Variants in EXOC5 observed in about 807,000 individuals in gnomAD.
EXOC5 encodes SEC10-like 1.
A neutral mutation model predicts 90.8 loss-of-function variants in EXOC5; 17 were observed. The ratio of observed to expected loss-of-function variants is 0.19; its 90% CI spans 0.13 to 0.28. The LOEUF is 0.28. Ranked by LOEUF, EXOC5 falls within the 10% of genes least tolerant of loss-of-function variation. The pLI, the probability that EXOC5 is intolerant of heterozygous loss-of-function variation, is 1.00. For missense variants in EXOC5, 569 were observed against 830.6 expected, an observed-to-expected ratio of 0.69 and a Z score of 3.87; for synonymous variants, 260 against 270.0, an observed-to-expected ratio of 0.96 and a Z score of 0.36.
Position 57,260,556 on chromosome 14 carries a change from T to A in EXOC5, c.27+8066A>T, listed in dbSNP as rs147096167. On this transcript the variant is annotated intron_variant, in intron 1 of 17. Transcript: ENST00000621441. The stretch of plus-strand genomic sequence containing the variant: ...AGCAAAATATTTTTCCAGGATAGAA[T>A]ATATCTCATTTCGAACAGTAAAGTT... Among the ~76,000 whole-genome samples the A allele has an allele frequency of 1.3e-4, 20 of 152,280 alleles. No individual in the cohort carries two copies. In the East Asian group the frequency reaches 3.7e-3, roughly 28 times the overall value.
chr14:57,268,905 T>C lies in EXOC5; in HGVS notation c.-257A>G. The C allele has an allele frequency of 1.1e-6, 1 of 935,946 alleles. No individual in the cohort carries two copies. Among genetic ancestry groups the C allele is most frequent in the Non-Finnish European group, 1.5e-6 (1 of 664,770 alleles). 58.0% of individuals were successfully genotyped at this position (935,946 alleles called of 1,614,324 possible). A position where few individuals can be genotyped will look rare whatever the true frequency, so the allele number is the denominator to read the frequency against. ...CCGCCTCATACGCCGGAAGTGGAACTGCGCGCGCCAGGGAGGTTGTCGGGA... is the reference window on the plus strand; with the variant it reads ...CCGCCTCATACGCCGGAAGTGGAACCGCGCGCGCCAGGGAGGTTGTCGGGA... On this transcript the variant is annotated 5_prime_UTR_variant, in exon 1 of 18. Transcript: ENST00000621441.
intron 1 of EXOC5, among the ~76,000 whole-genome samples, chr14:57,260,684 G>C (rs1884477923): frequency 6.6e-6 from 1 of 152,122 alleles, no homozygotes; most frequent in Non-Finnish European, 1.5e-5. Context: ...AATTCGTAAT[G>C]CAAGAATGTT....
intron 1 of EXOC5, among the ~76,000 whole-genome samples, chr14:57,262,627 T>C (rs1281290937): frequency 6.8e-6 from 1 of 146,858 alleles, no homozygotes; most frequent in Non-Finnish European, 1.5e-5. Flanking sequence ...ATGTATATAT[T>C]TATACATTAA....
intron 1 of EXOC5, 102 bp from the exon 2 acceptor site, chr14:57,247,814 A>T: frequency 1.9e-6 from 1 of 524,556 alleles, no homozygotes; most frequent in Non-Finnish European, 3.4e-6. Flanking sequence ...CTTAAAATGA[A>T]ATTACTAATT....
At chr14:57,259,421 C>T (rs1411030070) in intron 1 of EXOC5, among the ~76,000 whole-genome samples, 1 of 152,118 alleles carries the variant, frequency 6.6e-6, no homozygotes, top group Admixed American at 6.6e-5. Context: ...TTATATCTAC[C>T]CTTTAGGGTT....
intron 17 of EXOC5, 81 bp from the exon 18 acceptor site, chr14:57,208,878 T>A: frequency 1.1e-6 from 1 of 921,792 alleles, no homozygotes; most frequent in Non-Finnish European, 1.6e-6. Context: ...TTTTACATAC[T>A]GTCAGGTGGG....
In EXOC5 at chr14:57,204,957, A is replaced by G. The variant is rs923329082; in HGVS notation, c.*3652T>C. Reference sequence around the variant, plus strand: ...CTATTTAACGTTACGTAAGGAGAATAGCATATAGAACCTAAAAGTGAGTGA... The same window carrying G: ...CTATTTAACGTTACGTAAGGAGAATGGCATATAGAACCTAAAAGTGAGTGA... On this transcript the variant is annotated 3_prime_UTR_variant, in exon 18 of 18. Coordinates refer to ENST00000621441, the MANE Select transcript of EXOC5 (RefSeq NM_006544.4). 3.3e-5 allele frequency: 5 copies of G among 152,012 alleles called. No individual in the cohort carries two copies. The highest frequency in any genetic ancestry group is 1.2e-4 in the African/African-American group (5 of 41,438). 9.4% of individuals were successfully genotyped at this position (152,012 alleles called of 1,614,324 possible).
chr14:57,230,739 T>C (rs1435748063), intron 11 of EXOC5, among the ~76,000 whole-genome samples: 1 of 152,288 alleles, frequency 6.6e-6, no homozygotes, highest in South Asian at 2.1e-4. Flanking sequence ...CTGTAAATAA[T>C]TGTAGGCATT....
intron 2 of EXOC5, 31 bp from the exon 3 acceptor site, chr14:57,246,889 TCTAC>T (rs750120484): frequency 7.5e-7 from 1 of 1,334,878 alleles, no homozygotes; most frequent in African/African-American, 1.5e-5. Context: ...TATGTATCAA[TCTAC>T]CTATTATTAA....
At chr14:57,237,590 G>A (rs1011628183) in intron 5 of EXOC5, 4 of 421,146 alleles carry the variant, frequency 9.5e-6, no homozygotes, top group African/African-American at 6.3e-5. Flanking sequence ...AGCATGCCAG[G>A]TGATAAAACT....
intron 1 of EXOC5, among the ~76,000 whole-genome samples, chr14:57,248,247 C>T (rs970591696): frequency 6.6e-6 from 1 of 151,538 alleles, no homozygotes; most frequent in African/African-American, 2.4e-5. Flanking sequence ...TGCTCGTATA[C>T]CCTAACAGTA....
rs1884792880 is a variant in EXOC5, at chr14:57,268,847, C to T, written c.-199G>A. On this transcript the variant is annotated 5_prime_UTR_variant, in exon 1 of 18. Transcript: ENST00000621441. ...GAAGCCGCAAACGCTTGTCAGCTGC[C>T]TCCCGGCGCCGCCCGCGCTGCTCCC... The T allele has an allele frequency of 2.3e-6, 3 of 1,306,470 alleles. No individual in the cohort carries two copies. Among genetic ancestry groups the T allele is most frequent in the Non-Finnish European group, 3.0e-6 (3 of 1,005,226 alleles). 80.9% of individuals were successfully genotyped at this position (1,306,470 alleles called of 1,614,324 possible).
intron 13 of EXOC5, among the ~76,000 whole-genome samples, chr14:57,220,068 C>G (rs1883081537): frequency 6.6e-6 from 1 of 151,902 alleles, no homozygotes; most frequent in African/African-American, 2.4e-5. Flanking sequence ...ATGTTTCTAG[C>G]TAAAAGTAAA....
intron 6 of EXOC5, among the ~76,000 whole-genome samples, chr14:57,236,812 A>T (rs1404143471): frequency 6.6e-6 from 1 of 152,074 alleles, no homozygotes; most frequent in Admixed American, 6.6e-5. Flanking sequence ...CTTTTCAAAA[A>T]CCTAGAATGA....
rs563664931 is a variant in EXOC5, at chr14:57,205,700, C to A, written c.*2909G>T. Reference sequence around the variant, plus strand: ...GATAATTAAATTATTTCACTGTGAACCAGAAGGCTAGTATTTAGAAAGCAA... The same window carrying A: ...GATAATTAAATTATTTCACTGTGAAACAGAAGGCTAGTATTTAGAAAGCAA... On this transcript the variant is annotated 3_prime_UTR_variant, in exon 18 of 18. Transcript: ENST00000621441. The A allele has an allele frequency of 2.6e-5, 9 of 349,966 alleles. No individual in the cohort carries two copies. The highest frequency in any genetic ancestry group is 2.0e-4 in the African/African-American group (9 of 46,144). The allele number at this position is 349,966 out of a possible 1,614,324, so 21.7% of individuals were successfully genotyped here. A position where few individuals can be genotyped will look rare whatever the true frequency, so the allele number is the denominator to read the frequency against.
chr14:57,220,318 A>G (rs1305480465), intron 13 of EXOC5, among the ~76,000 whole-genome samples: 1 of 152,198 alleles, frequency 6.6e-6, no homozygotes, highest in African/African-American at 2.4e-5. Context: ...CATATGTAGA[A>G]AATATGAATC....
At position 57,204,636 on chromosome 14, in the gene EXOC5, CTCTT is replaced by C. The variant is rs1293235070; in HGVS notation, c.*3969_*3972del. On this transcript the variant is annotated 3_prime_UTR_variant, in exon 18 of 18. Transcript: ENST00000621441. ...CAAAATATAGTACAAAATATTTGGT[CTCTT>C]TCTATTGTGAAAATTATCAAGCTGG... The C allele has an allele frequency of 1.3e-5, 2 of 152,398 alleles. No homozygotes were observed. The highest frequency in any genetic ancestry group is 2.9e-5 in the Non-Finnish European group (2 of 67,910). The allele number at this position is 152,398 out of a possible 1,614,324, so 9.4% of individuals were successfully genotyped here.
intron 5 of EXOC5, 71 bp from the exon 6 acceptor site, chr14:57,237,437 C>A: frequency 1.0e-6 from 1 of 969,166 alleles, no homozygotes. Flanking sequence ...AAGATGCTAA[C>A]CAAATGGGAA....
intron 15 of EXOC5, among the ~76,000 whole-genome samples, chr14:57,217,458 A>T (rs1319067120): frequency 6.6e-6 from 1 of 152,062 alleles, no homozygotes; most frequent in African/African-American, 2.4e-5. Context: ...ATTACTGCTA[A>T]ATCTGTTATG....
Sources: gnomAD v4.1 joint callset for allele counts (sites outside exome capture counted in the v4.1 genomes callset) on GRCh38, gnomAD v4.1.1 for gene constraint, MANE v1.5 for transcripts, NCBI Gene and HGNC (gene_info 2026-07-23, HGNC 2026-07-21) for gene names.